SLIT3: variants seen among roughly 807,000 people sequenced by gnomAD.
The protein encoded by SLIT3 is slit homolog 3 protein.
SLIT3 carries 68 observed loss-of-function variants against 184.0 expected under a neutral mutation model. The ratio of observed to expected loss-of-function variants is 0.37; its 90% CI spans 0.30 to 0.45. The LOEUF (loss-of-function observed/expected upper bound fraction) is 0.45. Ranked by LOEUF, SLIT3 falls within the 20% of genes least tolerant of loss-of-function variation. The pLI is 1.00. For synonymous variants in SLIT3, 831 were observed against 828.6 expected, an observed-to-expected ratio of 1.00 and a Z score of -0.05; for missense variants, 1,707 against 2,026.0, an observed-to-expected ratio of 0.84 and a Z score of 3.02.
At chr5:168,733,598 G>C (rs1487604903) in intron 20 of SLIT3, among the ~76,000 whole-genome samples, 1 of 151,984 alleles carries the variant, frequency 6.6e-6, no homozygotes. Flanking sequence ...TGGACACAAG[G>C]AGGGGAACAA....
In SLIT3 at chr5:168,806,527, G is replaced by T; in HGVS notation, c.854C>A (p.Thr285Lys). ...ANSISCPSPC[T>K]CSNNIVDCRG... Reference sequence around the variant, plus strand: ...ACAGTCCACGATGTTATTGCTGCACGTGCAGGGCGAAGGGCAGGAGATGGA... The same window carrying T: ...ACAGTCCACGATGTTATTGCTGCACTTGCAGGGCGAAGGGCAGGAGATGGA... Residue 285 changes from threonine to lysine, a missense_variant, in exon 9 of 36, where the codon ACG (threonine) becomes AAG (lysine). Around this residue, in one of 3 missense-constraint regions of SLIT3, gnomAD observed 1,307 missense variants for 1,511.6 expected, o/e 0.86. Transcript: ENST00000519560. The T allele has an allele frequency of 1.2e-6, 2 of 1,614,212 alleles. No individual in the cohort carries two copies. Among genetic ancestry groups the T allele is most frequent in the Non-Finnish European group, 1.7e-6 (2 of 1,180,024 alleles).
chr5:169,233,173 G>A (rs938604202), intron 3 of SLIT3, among the ~76,000 whole-genome samples: 2 of 151,984 alleles, frequency 1.3e-5, no homozygotes, highest in East Asian at 1.9e-4. Context: ...CTACAGGTGC[G>A]CACCACCACG....
At chr5:169,162,227 G>A (rs1305926500) in intron 4 of SLIT3, among the ~76,000 whole-genome samples, 1 of 152,140 alleles carries the variant, frequency 6.6e-6, no homozygotes, top group Admixed American at 6.5e-5. Flanking sequence ...AAGACCAGCT[G>A]GGATCTTGGT....
At chr5:168,788,823 C>G (rs1422008539) in intron 11 of SLIT3, among the ~76,000 whole-genome samples, 1 of 152,074 alleles carries the variant, frequency 6.6e-6, no homozygotes, top group Non-Finnish European at 1.5e-5. Flanking sequence ...TCAGTAAACA[C>G]TACTAATTAC....
chr5:169,007,898 C>G lies in SLIT3; in HGVS notation c.414-124562G>C, dbSNP rs1391932088. 3.3e-5 allele frequency among the ~76,000 whole-genome samples: 5 copies of G among 152,200 alleles called. No homozygotes were observed. In the East Asian group the frequency reaches 9.6e-4, roughly 29 times the overall value. On this transcript the variant is annotated intron_variant, in intron 4 of 35. Transcript: ENST00000519560. ...GACATTAATCTTCCCTGTGAATTTTCCTTTTCCCTGTTGCCTTATAGGACA... is the reference window on the plus strand; with the variant it reads ...GACATTAATCTTCCCTGTGAATTTTGCTTTTCCCTGTTGCCTTATAGGACA...
chr5:168,941,267 T>G (rs536930926), intron 4 of SLIT3, among the ~76,000 whole-genome samples: 59 of 152,308 alleles, frequency 3.9e-4, no homozygotes, highest in African/African-American at 1.4e-3. Context: ...ATCAAAGATA[T>G]TAGGGCCATC....
In SLIT3 at chr5:168,917,052, G is replaced by A. The variant is rs539187519; in HGVS notation, c.414-33716C>T. ...TATGTTCAGCTTCAGAGGTACAAAGGAGACGGAAATAAATGAAGGGATTGC... is the reference window on the plus strand; with the variant it reads ...TATGTTCAGCTTCAGAGGTACAAAGAAGACGGAAATAAATGAAGGGATTGC... On this transcript the variant is annotated intron_variant, in intron 4 of 35. Coordinates refer to ENST00000519560, the MANE Select transcript of SLIT3 (RefSeq NM_003062.4). Among the ~76,000 whole-genome samples the A allele has an allele frequency of 6.6e-5, 10 of 152,280 alleles. No individual in the cohort carries two copies. In the South Asian group the frequency reaches 2.1e-3, roughly 32 times the overall value.
chr5:169,261,625 T>C (rs375299995), intron 1 of SLIT3, among the ~76,000 whole-genome samples: 2 of 152,176 alleles, frequency 1.3e-5, no homozygotes, highest in Admixed American at 1.3e-4. Flanking sequence ...CCTGGCACTA[T>C]GCTGATGGCT....
At chr5:169,196,704 C>A (rs930142847) in intron 3 of SLIT3, among the ~76,000 whole-genome samples, 2 of 152,200 alleles carry the variant, frequency 1.3e-5, no homozygotes, top group South Asian at 4.1e-4. Context: ...AGCTCTAGTT[C>A]TGAACCACCA....
intron 26 of SLIT3, among the ~76,000 whole-genome samples, chr5:168,703,829 C>T (rs564728143): frequency 6.6e-6 from 1 of 151,442 alleles, no homozygotes; most frequent in East Asian, 1.9e-4. Context: ...GTGGGCATCC[C>T]AGCTACTCAG....
chr5:168,681,372 G>A (rs1448797457), intron 32 of SLIT3, among the ~76,000 whole-genome samples: 3 of 152,206 alleles, frequency 2.0e-5, no homozygotes, highest in African/African-American at 7.2e-5. Flanking sequence ...GAGTGAGAGT[G>A]TACTAATGGC....
chr5:169,003,628 TGA>T (rs1385782569), intron 4 of SLIT3, among the ~76,000 whole-genome samples: 4 of 152,236 alleles, frequency 2.6e-5, no homozygotes, highest in Admixed American at 6.5e-5. Context: ...CAGACTTTTC[TGA>T]GAGAAGAGTT....
intron 4 of SLIT3, among the ~76,000 whole-genome samples, chr5:168,979,738 A>G (rs960687294): frequency 6.6e-6 from 1 of 152,190 alleles, no homozygotes; most frequent in African/African-American, 2.4e-5. Context: ...GGAAAATCCA[A>G]ACATACAAAT....
intron 5 of SLIT3, among the ~76,000 whole-genome samples, chr5:168,874,816 C>T (rs1759669785): frequency 6.6e-6 from 1 of 152,184 alleles, no homozygotes; most frequent in South Asian, 2.1e-4. Flanking sequence ...TTTAACTAAT[C>T]AGCTGGTATT....
intron 4 of SLIT3, among the ~76,000 whole-genome samples, chr5:169,052,885 C>T (rs1254290968): frequency 1.3e-5 from 2 of 152,176 alleles, no homozygotes; most frequent in African/African-American, 4.8e-5. Flanking sequence ...TCCCTCACCC[C>T]ACTCTGTTTC....
At chr5:169,042,139 C>T (rs1757468057) in intron 4 of SLIT3, among the ~76,000 whole-genome samples, 1 of 152,132 alleles carries the variant, frequency 6.6e-6, no homozygotes, top group Non-Finnish European at 1.5e-5. Flanking sequence ...TTCATAAGGG[C>T]CTACTGGAGA....
intron 9 of SLIT3, among the ~76,000 whole-genome samples, chr5:168,805,117 C>T (rs1756910689): frequency 6.6e-6 from 1 of 152,342 alleles, no homozygotes; most frequent in Admixed American, 6.5e-5. Flanking sequence ...TTTATCCCCT[C>T]CATCACTAGA....
intron 3 of SLIT3, among the ~76,000 whole-genome samples, chr5:169,213,924 T>C (rs1270831851): frequency 6.6e-6 from 1 of 152,048 alleles, no homozygotes; most frequent in East Asian, 1.9e-4. Context: ...GAAAGAGGTG[T>C]GGAATAAAGT....
At chr5:168,750,815 T>C (rs1266198369) in intron 18 of SLIT3, among the ~76,000 whole-genome samples, 1 of 151,748 alleles carries the variant, frequency 6.6e-6, no homozygotes, top group East Asian at 1.9e-4. Flanking sequence ...ATCTAAACAT[T>C]AAGGATGCAG....
Sources: gnomAD v4.1 joint callset for allele counts (sites outside exome capture counted in the v4.1 genomes callset) on GRCh38, gnomAD v4.1.1 for gene constraint, gnomAD v4.1.1 regional missense constraint, MANE v1.5 for transcripts, NCBI Gene and HGNC (gene_info 2026-07-23, HGNC 2026-07-21) for gene names.